DOK7: variants seen among roughly 807,000 people sequenced by gnomAD.
The protein encoded by DOK7 is protein Dok-7.
Under a neutral mutation model 30.7 loss-of-function variants are expected in DOK7, and 32 were observed. That is an observed-to-expected ratio of 1.04 (90% CI 0.79 to 1.40). DOK7 has a LOEUF of 1.40. Ranked by LOEUF, DOK7 falls within the 40% of genes most tolerant of loss-of-function variation. DOK7 has a pLI of 0.00. For missense variants in DOK7, 1,007 were observed against 699.2 expected, an observed-to-expected ratio of 1.44 and a Z score of -4.97; for synonymous variants, 447 against 324.1, an observed-to-expected ratio of 1.38 and a Z score of -4.07.
In DOK7 at chr4:3,492,875, G is replaced by A. The variant is rs1728590424; in HGVS notation, c.889G>A (p.Glu297Lys). ...QSSSSASTSQ[E>K]GPRPAAAQAA... is the part of the protein sequence containing the mutation. ...CTCGTCGTCAGCCAGCACGTCACAG[G>A]AGGGGCCTAGACCAGCAGCTGCCCA... The change falls in exon 7 of 7, where the codon GAG becomes AAG. Residue 297 changes from glutamate to lysine, a missense_variant. Transcript: ENST00000340083. The A allele has an allele frequency of 1.1e-5, 18 of 1,603,578 alleles. 1 individual carries two copies. Among genetic ancestry groups the A allele is most frequent in the Non-Finnish European group, 1.4e-5 (17 of 1,176,718 alleles).
chr4:3,492,941 C>G lies in DOK7; in HGVS notation c.955C>G (p.Pro319Ala), dbSNP rs2109417608. Residue 319 changes from proline to alanine, a missense_variant, in exon 7 of 7, where the codon CCC becomes GCC. Physicochemically the swap from Pro to Ala is conservative, Grantham distance 27. Transcript: ENST00000340083. ...EAMVGASRPPPKPLRPRQLQE... is the reference protein window; with the variant it reads ...EAMVGASRPPAKPLRPRQLQE... Reference sequence around the variant, plus strand: ...CATGGTGGGTGCCTCAAGGCCACCCCCCAAGCCGCTGCGTCCGCGGCAGCT... The same window carrying G: ...CATGGTGGGTGCCTCAAGGCCACCCGCCAAGCCGCTGCGTCCGCGGCAGCT... 2 of 1,556,672 alleles carry G rather than the reference C, an allele frequency of 1.3e-6. No homozygotes were observed. The highest frequency in any genetic ancestry group is 2.4e-5 in the East Asian group (1 of 41,548).
chr4:3,493,023 C>A lies in DOK7; in HGVS notation c.1037C>A (p.Ser346Tyr). The A allele has an allele frequency of 6.4e-7, 1 of 1,569,448 alleles. No individual in the cohort carries two copies. The highest frequency in any genetic ancestry group is 8.6e-7 in the Non-Finnish European group (1 of 1,162,428). Residue 346 changes from serine to tyrosine, a missense_variant, in exon 7 of 7, where the codon TCC (serine) becomes TAC (tyrosine). By Grantham distance (144) the Ser-to-Tyr change is moderately radical. Transcript: ENST00000340083. ...AGCGGCATCGCCACTGGCAGCCACT[C>A]CTCTTACTCCAGCAGCCTCTCGTCC... ...SDSGIATGSH[S>Y]SYSSSLSSYA... is the part of the protein sequence containing the mutation.
intron 6 of DOK7, among the ~76,000 whole-genome samples, chr4:3,492,183 T>C (rs1188390305): frequency 6.6e-6 from 1 of 152,116 alleles, no homozygotes; most frequent in East Asian, 1.9e-4. Flanking sequence ...GCCTGGGATC[T>C]GCATTGGGTG....
In DOK7 at chr4:3,476,738, C is replaced by T. The variant is rs186594150; in HGVS notation, c.532+196C>T. The stretch of plus-strand genomic sequence containing the variant: ...CCGCAGGAACCTCAGTGTGGAGTGT[C>T]GAGGAGGGGCCTCGGCTACCTCTGC... On this transcript the variant is annotated intron_variant, in intron 4 of 6. Coordinates refer to ENST00000340083, the MANE Select transcript of DOK7 (RefSeq NM_173660.5). Among the ~76,000 whole-genome samples, 56 of 152,266 alleles carry T rather than the reference C, an allele frequency of 3.7e-4. 7 individuals carry two copies. The East Asian group carries it at 5.0e-3, about 14-fold the overall frequency.
intron 6 of DOK7, 122 bp from the exon 7 acceptor site, chr4:3,492,637 G>A (rs1728553957): frequency 7.2e-7 from 1 of 1,395,306 alleles, no homozygotes; most frequent in East Asian, 2.4e-5. Flanking sequence ...CGGGGCTTGG[G>A]GGCTGGAAGG....
At chr4:3,492,597 T>C (rs1346735111) in intron 6 of DOK7, among the ~76,000 whole-genome samples, 162 bp from the exon 7 acceptor site, 1 of 152,018 alleles carries the variant, frequency 6.6e-6, no homozygotes, top group East Asian at 1.9e-4. Flanking sequence ...GGGGTTGTTG[T>C]TGGTGAAGCC....
intron 3 of DOK7, 26 bp downstream of exon 3, chr4:3,473,662 CG>C: frequency 1.3e-6 from 2 of 1,520,470 alleles, no homozygotes; most frequent in Non-Finnish European, 1.8e-6. Flanking sequence ...CGGGGCCGGG[CG>C]GGGGCTCCCC....
At position 3,468,447 on chromosome 4, in the gene DOK7, T is replaced by C. The variant is rs111069157; in HGVS notation, c.100+4896T>C. On this transcript the variant is annotated intron_variant, in intron 2 of 6. Transcript: ENST00000340083. ...CTGTGTGAATGTACATGTACGAGTG[T>C]GTGCCTGTGTGTGCATGTATGTGTG... Among the ~76,000 whole-genome samples, 33 of 151,404 alleles carry C rather than the reference T, an allele frequency of 2.2e-4. No homozygotes were observed. The East Asian group carries it at 4.1e-3, about 19-fold the overall frequency.
intron 6 of DOK7, among the ~76,000 whole-genome samples, chr4:3,499,775 G>A (rs1359157743): frequency 6.6e-6 from 1 of 152,002 alleles, no homozygotes; most frequent in African/African-American, 2.4e-5. Context: ...TGCAGCAGGT[G>A]GGGGTGACCC....
chr4:3,493,989 C>G lies in DOK7; in HGVS notation c.*488C>G. On this transcript the variant is annotated 3_prime_UTR_variant, in exon 7 of 7. Coordinates refer to ENST00000340083, the MANE Select transcript of DOK7 (RefSeq NM_173660.5). ...CTCCGGCCACCTGGGCTCCACCAGC[C>G]CAGCCCCCCTGGGCTCCGTGTGCGC... The G allele has an allele frequency of 2.1e-6, 2 of 973,294 alleles. No homozygotes were observed. Among genetic ancestry groups the G allele is most frequent in the Non-Finnish European group, 2.4e-6 (2 of 828,752 alleles). 60.3% of individuals were successfully genotyped at this position (973,294 alleles called of 1,614,324 possible).
At chr4:3,491,263 ATTCC>A (rs1728402135) in intron 6 of DOK7, among the ~76,000 whole-genome samples, 2 of 76,566 alleles carry the variant, frequency 2.6e-5, no homozygotes, top group Admixed American at 2.0e-4. Context: ...TTGCTCATTC[ATTCC>A]TTCATTCATT....
In DOK7 at chr4:3,468,626, G is replaced by A. The variant is rs111203498; in HGVS notation, c.101-4780G>A. Among the ~76,000 whole-genome samples the A allele has an allele frequency of 9.1e-3, 1,366 of 150,708 alleles. 21 individuals are homozygous for A. The highest frequency in any genetic ancestry group is 0.032 in the African/African-American group (1,306 of 41,000). On this transcript the variant is annotated intron_variant, in intron 2 of 6. Coordinates refer to ENST00000340083, the MANE Select transcript of DOK7 (RefSeq NM_173660.5). ...GGTGTGTGCGTGCCTTTGTGTGTGC[G>A]TGTGTATATGCCTGTGTGTGTGCAT...
At chr4:3,469,118 GCA>G (rs933556331) in intron 2 of DOK7, among the ~76,000 whole-genome samples, 14 of 149,598 alleles carry the variant, frequency 9.4e-5, no homozygotes, top group Admixed American at 6.6e-5. Context: ...ATGTATGTGT[GCA>G]CACATTGTGT....
rs1351014438 is a variant in DOK7, at chr4:3,463,542, C to T, written c.91C>T (p.Pro31Ser). 1 of 1,510,814 alleles carries T rather than the reference C, an allele frequency of 6.6e-7. No homozygotes were observed. The highest frequency in any genetic ancestry group is 1.4e-5 in the African/African-American group (1 of 70,342). 93.6% of individuals were successfully genotyped at this position (1,510,814 alleles called of 1,614,324 possible). A position where few individuals can be genotyped will look rare whatever the true frequency, so the allele number is the denominator to read the frequency against. ...GTGGCTGGTGCTGCGGAAGCCGTCG[C>T]CCGTGGCAGGTGAGCGGGGCGGGCG... ...SRWLVLRKPS[P>S]VADCLLMLVY... Residue 31 changes from proline (P) to serine (S), a missense_variant, in exon 2 of 7, where the codon CCC becomes TCC. Physicochemically the swap from Pro to Ser is moderately conservative, Grantham distance 74 (BLOSUM62 -1). Transcript: ENST00000340083.
At chr4:3,497,284 G>A (rs1001513461), downstream of DOK7, among the ~76,000 whole-genome samples, 1 of 152,096 alleles carries the variant, frequency 6.6e-6, no homozygotes, top group South Asian at 2.1e-4. Flanking sequence ...CCCAGCTCAG[G>A]GAGGAGGGGC....
exon 8 of DOK7, chr4:3,500,793 G>C: frequency 2.0e-6 from 3 of 1,534,016 alleles, no homozygotes; most frequent in Non-Finnish European, 2.6e-6. Context: ...GCAGCTGTCG[G>C]AGCTGGAGCA....
chr4:3,500,458 T>C, intron 7 of DOK7: 1 of 1,525,534 alleles, frequency 6.6e-7, no homozygotes, highest in Non-Finnish European at 8.8e-7. Context: ...GACCACAGCC[T>C]CAGGGCCCTG....
rs377528603 is a variant in DOK7, at chr4:3,493,212, G to T, written c.1226G>T (p.Arg409Leu). The T allele has an allele frequency of 6.2e-7, 1 of 1,611,666 alleles. No homozygotes were observed. The highest frequency in any genetic ancestry group is 1.1e-5 in the South Asian group (1 of 90,942). Reference sequence around the variant, plus strand: ...CTGCGGGCCCACTATGACACACCACGCAGCCTTTGCCTGGCTCCTAGAGAC... The same window carrying T: ...CTGCGGGCCCACTATGACACACCACTCAGCCTTTGCCTGGCTCCTAGAGAC... Reference protein sequence around the residue: ...TSLRAHYDTPRSLCLAPRDHS... With the variant: ...TSLRAHYDTPLSLCLAPRDHS... Residue 409 changes from arginine to leucine, a missense_variant, in exon 7 of 7, where the codon CGC (arginine) becomes CTC (leucine). Physicochemically the swap from Arg to Leu is moderately radical, Grantham distance 102 (BLOSUM62 -2). Coordinates refer to ENST00000340083, the MANE Select transcript of DOK7 (RefSeq NM_173660.5).
At chr4:3,470,243 T>C (rs1726680909) in intron 2 of DOK7, among the ~76,000 whole-genome samples, 1 of 152,176 alleles carries the variant, frequency 6.6e-6, no homozygotes, top group Non-Finnish European at 1.5e-5. Context: ...TTCTCCCCCT[T>C]ACAAGGACAC....
Sources: allele counts gnomAD v4.1 joint callset (sites outside exome capture counted in the v4.1 genomes callset), GRCh38; gene constraint gnomAD v4.1.1; transcripts MANE v1.5; gene names NCBI Gene and HGNC (gene_info 2026-07-23, HGNC 2026-07-21).